Variants in STYK1 observed in about 807,000 individuals in gnomAD.
STYK1 encodes the protein tyrosine-protein kinase STYK1.
Under a neutral mutation model 48.1 loss-of-function variants are expected in STYK1, and 46 were observed. That is an observed-to-expected ratio of 0.96 (90% CI 0.75 to 1.22). STYK1 has a LOEUF of 1.22. Ranked by LOEUF, STYK1 falls within the 50% of genes most tolerant of loss-of-function variation. The pLI is 0.00. For synonymous variants in STYK1, 188 were observed against 189.0 expected (o/e 0.99, Z 0.04); for missense variants, 527 against 521.1 (o/e 1.01, Z -0.11).
intron 6 of STYK1, among the ~76,000 whole-genome samples, chr12:10,629,039 A>G (rs547109968): frequency 6.6e-6 from 1 of 152,210 alleles, no homozygotes; most frequent in South Asian, 2.1e-4. Flanking sequence ...AATTTCTTGT[A>G]TTTTTTGTAA....
intron 1 of STYK1, among the ~76,000 whole-genome samples, chr12:10,648,429 C>G (rs1947624142): frequency 6.6e-6 from 1 of 151,468 alleles, no homozygotes; most frequent in Non-Finnish European, 1.5e-5. Flanking sequence ...CACTAATATG[C>G]CAATAAATAA....
chr12:10,640,192 C>T (rs1274852087), intron 1 of STYK1, among the ~76,000 whole-genome samples: 1 of 152,164 alleles, frequency 6.6e-6, no homozygotes, highest in East Asian at 1.9e-4. Context: ...CCATCTTTCA[C>T]TGTGAGCATG....
chr12:10,646,610 C>A (rs557455116), intron 1 of STYK1, among the ~76,000 whole-genome samples: 14 of 152,212 alleles, frequency 9.2e-5, no homozygotes, highest in Non-Finnish European at 1.9e-4. Context: ...AGGAGAAATT[C>A]AAGCCAGCTG....
chr12:10,626,107 A>G (rs776565082), intron 7 of STYK1, among the ~76,000 whole-genome samples: 3 of 152,240 alleles, frequency 2.0e-5, no homozygotes, highest in Non-Finnish European at 4.4e-5. Context: ...TGACAAAGAA[A>G]ACTAGCAGTT....
intron 8 of STYK1, among the ~76,000 whole-genome samples, chr12:10,623,139 A>T (rs1185747945): frequency 6.6e-6 from 1 of 152,246 alleles, no homozygotes; most frequent in Non-Finnish European, 1.5e-5. Flanking sequence ...GCCCAAACCT[A>T]GGAAAAATAT....
At chr12:10,629,377 C>T in intron 6 of STYK1, 116 bp downstream of exon 6, 1 of 1,051,454 alleles carries the variant, frequency 9.5e-7, no homozygotes, top group Non-Finnish European at 1.4e-6. Context: ...CTCCCTTATT[C>T]TGTCATGCTA....
intron 1 of STYK1, among the ~76,000 whole-genome samples, chr12:10,647,693 CCCAAATCTTATCTTGAATT>C (rs1217939677): frequency 6.6e-6 from 1 of 152,122 alleles, no homozygotes; most frequent in African/African-American, 2.4e-5. Context: ...TGTGTCCCCA[CCCAAATCTTATCTTGAATT>C]CCCATGTGTT....
chr12:10,640,081 T>C (rs2120687701), intron 1 of STYK1, among the ~76,000 whole-genome samples: 1 of 152,336 alleles, frequency 6.6e-6, no homozygotes, highest in South Asian at 2.1e-4. Context: ...CCAGATTATG[T>C]CATCTTGGGT....
intron 4 of STYK1, among the ~76,000 whole-genome samples, chr12:10,632,282 G>C (rs1468428773): frequency 1.3e-5 from 2 of 152,086 alleles, no homozygotes; most frequent in African/African-American, 4.8e-5. Context: ...GGTCAAGAAA[G>C]GCCTTTCTGA....
intron 1 of STYK1, chr12:10,667,256 A>C (rs1231798750): frequency 1.3e-5 from 2 of 152,180 alleles, no homozygotes; most frequent in Non-Finnish European, 2.9e-5. Flanking sequence ...GCATAAAAAT[A>C]TAAATTTGGG....
intron 9 of STYK1, 148 bp downstream of exon 9, chr12:10,622,490 G>A (rs571553523): frequency 1.0e-5 from 8 of 790,162 alleles, no homozygotes; most frequent in South Asian, 2.0e-5. Context: ...TGACTATCAC[G>A]GGAATCAGGC....
Position 10,672,961 on chromosome 12 carries a change from G to T in STYK1, c.-195+1005C>A, listed in dbSNP as rs1947905514. ...GAGTTCTGTTTCCAGGTGTATTTCAGTTGAGCTGTGCTGCACATTACAGTA... is the reference window on the plus strand; with the variant it reads ...GAGTTCTGTTTCCAGGTGTATTTCATTTGAGCTGTGCTGCACATTACAGTA... On this transcript the variant is annotated intron_variant, in intron 1 of 10. Transcript: ENST00000075503. This position sits in a 1 kb window ranked among gnomAD's most constrained non-coding sequence, Gnocchi z 4.0. Among the ~76,000 whole-genome samples, 1 of 152,206 alleles carries T rather than the reference G, an allele frequency of 6.6e-6. No homozygotes were observed. The highest frequency in any genetic ancestry group is 1.5e-5 in the Non-Finnish European group (1 of 68,036).
intron 4 of STYK1, among the ~76,000 whole-genome samples, chr12:10,632,646 A>G (rs185603860): frequency 7.3e-4 from 111 of 152,332 alleles, no homozygotes; most frequent in Middle Eastern, 3.4e-3. Context: ...TGGCATTTCT[A>G]TAAAGGAGTA....
chr12:10,654,193 A>G (rs368839495), intron 1 of STYK1, among the ~76,000 whole-genome samples: 27 of 152,334 alleles, frequency 1.8e-4, no homozygotes, highest in African/African-American at 6.3e-4. Context: ...GGTCTAAAAA[A>G]GGGTGGAACC....
intron 1 of STYK1, among the ~76,000 whole-genome samples, chr12:10,671,097 G>A (rs1386739191): frequency 6.9e-6 from 1 of 144,242 alleles, no homozygotes; most frequent in Non-Finnish European, 1.5e-5. Context: ...CTGGATTCAC[G>A]CCATTCTCCT....
chr12:10,644,433 G>A (rs1273775100), intron 1 of STYK1, among the ~76,000 whole-genome samples: 1 of 152,156 alleles, frequency 6.6e-6, no homozygotes, highest in Non-Finnish European at 1.5e-5. Flanking sequence ...TTATTTAGAT[G>A]TTCCCATTGG....
At chr12:10,655,577 C>G (rs1052152338) in intron 1 of STYK1, among the ~76,000 whole-genome samples, 1 of 152,156 alleles carries the variant, frequency 6.6e-6, no homozygotes. Context: ...TTGATTTTAT[C>G]CCCTCCCCCC....
chr12:10,630,385 C>CAAA (rs35704937), intron 5 of STYK1, among the ~76,000 whole-genome samples: 757 of 48,282 alleles, frequency 0.016, 51 homozygotes, highest in African/African-American at 0.031. Context: ...CACTCTGTCT[C>CAAA]AAAAAAAAAA....
chr12:10,624,928 A>G (rs1947339581), intron 7 of STYK1, 69 bp from the exon 8 acceptor site: 2 of 1,391,308 alleles, frequency 1.4e-6, no homozygotes, highest in African/African-American at 2.8e-5. Context: ...AAGGAGAGGC[A>G]GTCCTAGGAA....
Sources: allele counts gnomAD v4.1 joint callset (sites outside exome capture counted in the v4.1 genomes callset), GRCh38; gene constraint gnomAD v4.1.1; non-coding constraint Gnocchi (gnomAD v3.1); transcripts MANE v1.5; gene names NCBI Gene and HGNC (gene_info 2026-07-23, HGNC 2026-07-21).